The following ERCC8 variants were observed in gnomAD, a reference collection of about 807,000 sequenced individuals.
ERCC8 encodes the protein DNA excision repair protein ERCC-8.
A neutral mutation model predicts 54.9 loss-of-function variants in ERCC8; 52 were observed. The ratio of observed to expected loss-of-function variants is 0.95; its 90% confidence interval spans 0.76 to 1.19. The LOEUF (loss-of-function observed/expected upper bound fraction) is 1.19. Among genes scored for constraint, ERCC8 ranks in the 50% most tolerant of loss-of-function variants. The pLI is 0.00. For synonymous variants in ERCC8, 146 were observed against 157.2 expected, an observed-to-expected ratio of 0.93 and a Z score of 0.53; for missense variants, 514 against 466.1, an observed-to-expected ratio of 1.10 and a Z score of -0.95.
rs755656702 is a variant in ERCC8 at position 60,944,934 on chromosome 5, C to T, written c.75G>A (p.Arg25=). The T allele has an allele frequency of 6.8e-6, 11 of 1,613,302 alleles. No homozygotes were observed. The highest frequency in any genetic ancestry group is 1.6e-4 in the Middle Eastern group (1 of 6,082). The part of the protein sequence containing the change: ...PLRLRRAEST[R]RVLGLELNKD... The stretch of plus-strand genomic sequence containing the variant: ...CCAAAAAGTAAGGTTTTCTTTACCT[C>T]CGTGTTGACTCTGCTCTCCGAAGGC... The change falls in exon 1 of 12, where the codon CGG becomes CGA. Residue 25 remains arginine (R), a splice_region_variant and synonymous_variant. Coordinates refer to ENST00000676185, the MANE Select transcript of ERCC8 (RefSeq NM_000082.4).
At chr5:60,912,245 G>T (rs1749290009) in intron 4 of ERCC8, among the ~76,000 whole-genome samples, 8 of 152,046 alleles carry the variant, frequency 5.3e-5, no homozygotes, top group Admixed American at 5.2e-4. Flanking sequence ...TCTTCCATTT[G>T]TTTGTGTCCT....
intron 11 of ERCC8, among the ~76,000 whole-genome samples, chr5:60,877,930 G>A (rs1394881264): frequency 7.2e-5 from 11 of 152,134 alleles, no homozygotes; most frequent in South Asian, 2.1e-4. Context: ...TGGTGAGAGA[G>A]GGCATCCCTG....
Position 60,898,335 on chromosome 5 carries a change from T to A in ERCC8, c.784A>T (p.Thr262Ser). 6.2e-7 allele frequency: 1 copy of A among 1,613,520 alleles called. No homozygotes were observed. The highest frequency in any genetic ancestry group is 2.2e-5 in the East Asian group (1 of 44,810). ...CTCATTCGATTATCTGTACCAACAGTGAGGAGGTGAAGTCCATCACTTGTA... is the reference window on the plus strand; with the variant it reads ...CTCATTCGATTATCTGTACCAACAGAGAGGAGGTGAAGTCCATCACTTGTA... The part of the protein sequence containing the change: ...CFTSDGLHLL[T>S]VGTDNRMRLW... The change falls in exon 9 of 12, where the codon ACT (threonine) becomes TCT (serine). Residue 262 changes from threonine (T) to serine (S), a missense_variant. By Grantham distance (58) the Thr-to-Ser change is moderately conservative. Transcript: ENST00000676185.
intron 1 of ERCC8, among the ~76,000 whole-genome samples, chr5:60,932,386 T>C (rs1271474566): frequency 3.3e-5 from 5 of 152,094 alleles, no homozygotes; most frequent in African/African-American, 1.2e-4. Flanking sequence ...TTTGAGAAAA[T>C]AATGTGCTTT....
Position 60,874,554 on chromosome 5 carries a change from A to G in ERCC8, c.*61T>C, listed in dbSNP as rs1747939717. 1 of 1,470,222 alleles carries G rather than the reference A, an allele frequency of 6.8e-7. No individual in the cohort carries two copies. Among genetic ancestry groups the G allele is most frequent in the African/African-American group, 1.4e-5 (1 of 72,084 alleles). 91.1% of individuals were successfully genotyped at this position (1,470,222 alleles called of 1,614,324 possible). ...CTGTCAGGAATAGACCATACAGTTG[A>G]AAAAAACACAGTCTCATTTAAAAAG... On this transcript the variant is annotated 3_prime_UTR_variant, in exon 12 of 12. Transcript: ENST00000676185.
At chr5:60,905,734 C>G (rs1452343433) in intron 4 of ERCC8, among the ~76,000 whole-genome samples, 1 of 152,208 alleles carries the variant, frequency 6.6e-6, no homozygotes, top group East Asian at 1.9e-4. Context: ...TCACAAAAAC[C>G]ATGGCATTGT....
At chr5:60,933,637 T>C (rs1035179177) in intron 1 of ERCC8, among the ~76,000 whole-genome samples, 1 of 152,210 alleles carries the variant, frequency 6.6e-6, no homozygotes, top group African/African-American at 2.4e-5. Context: ...ACATAAGTTC[T>C]TCAGTGGTGA....
chr5:60,925,244 G>A (rs1415991015), intron 2 of ERCC8, among the ~76,000 whole-genome samples: 1 of 151,996 alleles, frequency 6.6e-6, no homozygotes, highest in Non-Finnish European at 1.5e-5. Context: ...TCAAAATATG[G>A]AAGCTTACTT....
At chr5:60,890,636 T>C (rs1748518424) in intron 10 of ERCC8, among the ~76,000 whole-genome samples, 1 of 152,186 alleles carries the variant, frequency 6.6e-6, no homozygotes, top group African/African-American at 2.4e-5. Flanking sequence ...TTTTCAGTTG[T>C]TAAATAAATG....
At position 60,869,327 on chromosome 5, in the gene ERCC8, G is replaced by T. The variant is rs1324248038; in HGVS notation, c.*5288C>A. ...AGTGATTTTGCTTTGAAAAATAATT[G>T]AGATTAGTTTGCTGATGCAATATTT... On this transcript the variant is annotated 3_prime_UTR_variant, in exon 12 of 12. Coordinates refer to ENST00000676185, the MANE Select transcript of ERCC8 (RefSeq NM_000082.4). 1.3e-5 allele frequency among the ~76,000 whole-genome samples: 2 copies of T among 152,200 alleles called. No homozygotes were observed. Among genetic ancestry groups the T allele is most frequent in the East Asian group, 3.9e-4 (2 of 5,184 alleles).
Position 60,938,074 on chromosome 5 carries a change from TATATATATATA to T in ERCC8, c.77+6847_77+6857del, listed in dbSNP as rs1561519056. Among the ~76,000 whole-genome samples the T allele has an allele frequency of 2.5e-3, 94 of 37,502 alleles. 1 individual carries two copies. The highest frequency in any genetic ancestry group is 5.5e-3 in the African/African-American group (67 of 12,076). The allele number at this position is 37,502 out of a possible 152,430, so 24.6% of individuals were successfully genotyped here. On this transcript the variant is annotated intron_variant, in intron 1 of 11. Transcript: ENST00000676185. ...ATATATATATATATATATATATATATATATATATATATTTTATTTTTTTTTTTTTTAGGTTA... is the reference window on the plus strand; with the variant it reads ...ATATATATATATATATATATATATATTTTTATTTTTTTTTTTTTTAGGTTA...
intron 2 of ERCC8, among the ~76,000 whole-genome samples, chr5:60,926,358 G>A (rs1749751209): frequency 6.6e-6 from 1 of 152,132 alleles, no homozygotes. Flanking sequence ...GTGTAATGAT[G>A]TAGTAGATTT....
At chr5:60,908,669 TG>T (rs1230444366) in intron 4 of ERCC8, among the ~76,000 whole-genome samples, 1 of 150,556 alleles carries the variant, frequency 6.6e-6, no homozygotes, top group Non-Finnish European at 1.5e-5. Flanking sequence ...CTAGTGATGC[TG>T]CAAGTGGTAC....
chr5:60,879,232 G>C (rs932230542), intron 11 of ERCC8, among the ~76,000 whole-genome samples: 1 of 152,202 alleles, frequency 6.6e-6, no homozygotes, highest in Non-Finnish European at 1.5e-5. Context: ...GGGTCTGAAA[G>C]ACCGTTTGCT....
At chr5:60,906,298 AG>A (rs1426693826) in intron 4 of ERCC8, among the ~76,000 whole-genome samples, 1 of 152,016 alleles carries the variant, frequency 6.6e-6, no homozygotes, top group Non-Finnish European at 1.5e-5. Flanking sequence ...GGCTTCCCAA[AG>A]TGTTGGGATT....
At chr5:60,901,168 T>C (rs1044406827) in intron 7 of ERCC8, among the ~76,000 whole-genome samples, 7 of 152,076 alleles carry the variant, frequency 4.6e-5, no homozygotes, top group Non-Finnish European at 8.8e-5. Context: ...ATTTGATTAC[T>C]ACTTCCTATC....
intron 4 of ERCC8, among the ~76,000 whole-genome samples, chr5:60,908,967 T>C (rs1478970199): frequency 1.3e-5 from 2 of 152,084 alleles, no homozygotes; most frequent in Admixed American, 6.5e-5. Context: ...TAGACTCTAA[T>C]ATGACTTTTA....
chr5:60,870,091 T>TAACGA lies in ERCC8; in HGVS notation c.*4523_*4524insTCGTT, dbSNP rs1747829739. 6.6e-6 allele frequency among the ~76,000 whole-genome samples: 1 copy of TAACGA among 151,954 alleles called. No homozygotes were observed. On this transcript the variant is annotated 3_prime_UTR_variant, in exon 12 of 12. Coordinates refer to ENST00000676185, the MANE Select transcript of ERCC8 (RefSeq NM_000082.4). ...TCTCCACTATATTTTTGCAAGTGCT[T>TAACGA]AACAAAACAAAACAAAACAAAACAA...
Position 60,874,329 on chromosome 5 carries a change from T to C in ERCC8, c.*286A>G, listed in dbSNP as rs1747933627. The stretch of plus-strand genomic sequence containing the variant: ...GCATCTTATAGTTCATAAAATCTGC[T>C]GAAGGTCACAACTGAGGTACAACGA... On this transcript the variant is annotated 3_prime_UTR_variant, in exon 12 of 12. Transcript: ENST00000676185. 1.5e-5 allele frequency: 5 copies of C among 331,376 alleles called. No homozygotes were observed. Among genetic ancestry groups the C allele is most frequent in the Non-Finnish European group, 2.2e-5 (4 of 182,184 alleles). The allele number at this position is 331,376 out of a possible 1,614,324, so 20.5% of individuals were successfully genotyped here.
Sources: gnomAD v4.1 joint callset for allele counts (sites outside exome capture counted in the v4.1 genomes callset) on GRCh38, gnomAD v4.1.1 for gene constraint, MANE v1.5 for transcripts, NCBI Gene and HGNC (gene_info 2026-07-23, HGNC 2026-07-21) for gene names.